The following CRTAM variants were observed in gnomAD, a reference collection of about 807,000 sequenced individuals.
CRTAM encodes the protein cytotoxic and regulatory T cell molecule.
Under a neutral mutation model 50.0 loss-of-function variants are expected in CRTAM, and 44 were observed. That is an observed-to-expected ratio of 0.88 (90% CI 0.69 to 1.13). The LOEUF is 1.13. Ranked by LOEUF, CRTAM falls within the 50% of genes most tolerant of loss-of-function variation. The pLI is 0.00. For synonymous variants in CRTAM, 159 were observed against 169.3 expected, an observed-to-expected ratio of 0.94 and a Z score of 0.47; for missense variants, 448 against 457.5, an observed-to-expected ratio of 0.98 and a Z score of 0.19.
intron 4 of CRTAM, among the ~76,000 whole-genome samples, chr11:122,854,946 G>T (rs1214532704): frequency 1.3e-5 from 2 of 152,020 alleles, no homozygotes; most frequent in Admixed American, 6.6e-5. Context: ...TGATATCTAT[G>T]TAATCAACCA....
At chr11:122,865,779 G>A (rs1283326901) in intron 7 of CRTAM, among the ~76,000 whole-genome samples, 2 of 152,168 alleles carry the variant, frequency 1.3e-5, no homozygotes, top group East Asian at 3.9e-4. Flanking sequence ...AGCAACACAC[G>A]GGTCCCAAAC....
chr11:122,855,558 A>T, intron 4 of CRTAM, 137 bp from the exon 5 acceptor site: 1 of 669,032 alleles, frequency 1.5e-6, no homozygotes, highest in African/African-American at 1.8e-5. Flanking sequence ...AACCAAGCCT[A>T]TACAAGGGAA....
chr11:122,871,755 A>G lies in CRTAM; in HGVS notation c.*356A>G, dbSNP rs1862257655. 1 of 155,484 alleles carries G rather than the reference A, an allele frequency of 6.4e-6. No homozygotes were observed. Among genetic ancestry groups the G allele is most frequent in the African/African-American group, 2.4e-5 (1 of 41,596 alleles). 9.6% of individuals were successfully genotyped at this position (155,484 alleles called of 1,614,324 possible). ...CTTTGCTCTAATGGAACTGTTTAAA[A>G]AATTTTTTTTTCTTTTTAATATTTT... is the stretch of plus-strand genomic sequence containing the variant. On this transcript the variant is annotated 3_prime_UTR_variant, in exon 10 of 10. Coordinates refer to ENST00000227348, the MANE Select transcript of CRTAM (RefSeq NM_019604.4).
intron 3 of CRTAM, among the ~76,000 whole-genome samples, chr11:122,852,139 T>TGTGA (rs1861938504): frequency 6.6e-6 from 1 of 152,190 alleles, no homozygotes; most frequent in Non-Finnish European, 1.5e-5. Flanking sequence ...CCAGGCACCA[T>TGTGA]GTGAGGTTCT....
At chr11:122,861,348 GTATATATATAT>G (rs1424753195) in intron 5 of CRTAM, among the ~76,000 whole-genome samples, 1 of 123,676 alleles carries the variant, frequency 8.1e-6, no homozygotes, top group Non-Finnish European at 1.6e-5. Flanking sequence ...TGACGTGTCA[GTATATATATAT>G]ATACACACAC....
chr11:122,870,231 C>A lies in CRTAM; in HGVS notation c.1052-1038C>A, dbSNP rs192613652. Among the ~76,000 whole-genome samples, 16 of 152,250 alleles carry A rather than the reference C, an allele frequency of 1.1e-4. No homozygotes were observed. In the East Asian group the frequency reaches 2.7e-3, roughly 26 times the overall value. ...TAGTAGCTGGGACTACAGGCACGCA[C>A]CACCACGCCCAGTTAATTTTTATAT... On this transcript the variant is annotated intron_variant, in intron 9 of 9. Transcript: ENST00000227348.
intron 3 of CRTAM, among the ~76,000 whole-genome samples, chr11:122,853,365 C>G (rs572342627): frequency 2.6e-5 from 4 of 151,860 alleles, no homozygotes; most frequent in Non-Finnish European, 5.9e-5. Context: ...CCACCTCGCC[C>G]GGCCTCATAT....
At chr11:122,862,380 A>G (rs1591355699) in intron 5 of CRTAM, 84 bp from the exon 6 acceptor site, 2 of 871,352 alleles carry the variant, frequency 2.3e-6, no homozygotes, top group South Asian at 2.7e-5. Context: ...GCCGCTAAAT[A>G]TATTCTCCAA....
chr11:122,852,347 G>A (rs952188176), intron 3 of CRTAM, among the ~76,000 whole-genome samples: 36 of 152,292 alleles, frequency 2.4e-4, no homozygotes, highest in Admixed American at 2.3e-3. Flanking sequence ...GTAGGAGGGC[G>A]GGATTGGGAG....
intron 1 of CRTAM, among the ~76,000 whole-genome samples, chr11:122,840,560 G>A (rs1477089323): frequency 6.6e-6 from 1 of 152,096 alleles, no homozygotes; most frequent in Non-Finnish European, 1.5e-5. Context: ...GGGGCCACCC[G>A]AGGGCATCTA....
chr11:122,851,635 A>T (rs1861930813), intron 2 of CRTAM, 58 bp from the exon 3 acceptor site: 1 of 1,540,144 alleles, frequency 6.5e-7, no homozygotes, highest in Non-Finnish European at 9.0e-7. Context: ...TACTGGGTAG[A>T]GGCCAACGAT....
chr11:122,866,130 A>G (rs1238148315), intron 7 of CRTAM, among the ~76,000 whole-genome samples: 2 of 152,106 alleles, frequency 1.3e-5, no homozygotes, highest in Admixed American at 6.6e-5. Context: ...GGTGCCATCT[A>G]TTACCTACTT....
At chr11:122,846,004 C>T (rs7928137) in intron 1 of CRTAM, among the ~76,000 whole-genome samples, 149,302 of 152,164 alleles carry the variant, frequency 0.98, 73,257 homozygotes, top group East Asian at 1. Context: ...AATGATACAG[C>T]TAAAGAGAAA....
In CRTAM at chr11:122,851,788, A is replaced by C; in HGVS notation, c.289A>C (p.Lys97Gln). The C allele has an allele frequency of 1.2e-6, 2 of 1,614,216 alleles. No homozygotes were observed. The highest frequency in any genetic ancestry group is 1.7e-6 in the Non-Finnish European group (2 of 1,180,020). ...NVTLQDEGVY[K>Q]CLHYSDSVST... is the part of the protein sequence containing the mutation. ...AACCCTGCAAGATGAAGGCGTGTACAAGTGCTTACATTACAGCGACTCTGT... is the reference window on the plus strand; with the variant it reads ...AACCCTGCAAGATGAAGGCGTGTACCAGTGCTTACATTACAGCGACTCTGT... The change falls in exon 3 of 10, where the codon AAG (lysine) becomes CAG (glutamine). Residue 97 changes from lysine (K) to glutamine (Q), a missense_variant. By Grantham distance (53) the Lys-to-Gln change is moderately conservative. Transcript: ENST00000227348.
chr11:122,855,625 T>C (rs1861995272), intron 4 of CRTAM, 70 bp from the exon 5 acceptor site: 1 of 1,318,684 alleles, frequency 7.6e-7, no homozygotes, highest in Non-Finnish European at 1.1e-6. Flanking sequence ...GTCAAGGCCA[T>C]TGGCCTCTAA....
At chr11:122,839,570 G>A (rs953856243) in intron 1 of CRTAM, among the ~76,000 whole-genome samples, 30 of 152,284 alleles carry the variant, frequency 2.0e-4, no homozygotes, top group African/African-American at 6.7e-4. Context: ...AAGGATAGAA[G>A]CAGTTACCTT....
chr11:122,838,931 T>G (rs1240447424), intron 1 of CRTAM, among the ~76,000 whole-genome samples: 1 of 152,052 alleles, frequency 6.6e-6, no homozygotes, highest in Non-Finnish European at 1.5e-5. Flanking sequence ...TTTATTTTAT[T>G]TATTTATTTA....
chr11:122,867,900 G>A (rs2135256040), intron 8 of CRTAM, 113 bp from the exon 9 acceptor site: 3 of 681,840 alleles, frequency 4.4e-6, no homozygotes, highest in South Asian at 3.7e-5. Context: ...AGTTATGGGA[G>A]GGGCATGGTA....
chr11:122,842,337 G>C (rs890071992), intron 1 of CRTAM, among the ~76,000 whole-genome samples: 1 of 152,138 alleles, frequency 6.6e-6, no homozygotes, highest in African/African-American at 2.4e-5. Flanking sequence ...GGAGTGCAAT[G>C]GCACAATCTC....
Sources: allele counts gnomAD v4.1 joint callset (sites outside exome capture counted in the v4.1 genomes callset), GRCh38; gene constraint gnomAD v4.1.1; transcripts MANE v1.5; gene names NCBI Gene and HGNC (gene_info 2026-07-23, HGNC 2026-07-21).